Variants in KCNT2 observed in about 807,000 individuals in gnomAD.
KCNT2 encodes the protein potassium channel subfamily T member 2.
In KCNT2, 67 loss-of-function variants were observed where a neutral mutation model predicts 153.8. The ratio of observed to expected loss-of-function variants is 0.44; its 90% confidence interval spans 0.36 to 0.53. The LOEUF (loss-of-function observed/expected upper bound fraction) is 0.53, where lower values mean the gene tolerates loss of function less well. KCNT2 is among the 20% of genes least tolerant of loss of function. KCNT2 has a pLI of 0.00. For missense variants in KCNT2, 975 were observed against 1,354.8 expected, an observed-to-expected ratio of 0.72 and a Z score of 4.40; for synonymous variants, 500 against 458.8, an observed-to-expected ratio of 1.09 and a Z score of -1.15.
intron 1 of KCNT2, among the ~76,000 whole-genome samples, chr1:196,605,072 A>T (rs1665166861): frequency 6.6e-6 from 1 of 152,186 alleles, no homozygotes; most frequent in Admixed American, 6.5e-5. Context: ...TGTGCCAGTC[A>T]ACTATGACCT....
intron 1 of KCNT2, among the ~76,000 whole-genome samples, chr1:196,551,095 G>A (rs1295042900): frequency 1.3e-5 from 2 of 151,802 alleles, no homozygotes; most frequent in Non-Finnish European, 2.9e-5. Flanking sequence ...TCCAGGAGAT[G>A]AGTGAAGCTC....
intron 7 of KCNT2, among the ~76,000 whole-genome samples, chr1:196,466,045 T>C (rs1314345880): frequency 2.0e-5 from 3 of 152,016 alleles, no homozygotes; most frequent in South Asian, 4.1e-4. Context: ...GGCAGAGGTA[T>C]TAATGAACAG....
chr1:196,492,892 A>T (rs1679963381), intron 1 of KCNT2, among the ~76,000 whole-genome samples: 1 of 152,158 alleles, frequency 6.6e-6, no homozygotes, highest in Non-Finnish European at 1.5e-5. Context: ...CTTCCTACTT[A>T]TGGATCAACC....
intron 16 of KCNT2, among the ~76,000 whole-genome samples, chr1:196,337,311 A>C (rs1020396812): frequency 2.0e-5 from 3 of 152,194 alleles, no homozygotes; most frequent in Admixed American, 6.6e-5. Context: ...TTATCCTCAA[A>C]GTACATGCAG....
chr1:196,507,321 A>G (rs1681228226), intron 1 of KCNT2, among the ~76,000 whole-genome samples: 2 of 152,194 alleles, frequency 1.3e-5, no homozygotes, highest in South Asian at 4.1e-4. Context: ...AGATGAAGGC[A>G]ATTACGAGGT....
At chr1:196,390,701 AT>A (rs141241538) in intron 13 of KCNT2, among the ~76,000 whole-genome samples, 40,785 of 151,004 alleles carry the variant, frequency 0.27, 5,889 homozygotes, top group East Asian at 0.33. Flanking sequence ...CTCCAAAAAA[AT>A]CTTAGTAAAA....
rs1653632482 is a variant in KCNT2 at position 196,228,158 on chromosome 1, G to A, written c.*66C>T. Reference sequence around the variant, plus strand: ...TATATTTCCATCTAGTTTCTTTCGTGCCAGCAAAACTTTTGTGGTTTCAAG... The same window carrying A: ...TATATTTCCATCTAGTTTCTTTCGTACCAGCAAAACTTTTGTGGTTTCAAG... On this transcript the variant is annotated 3_prime_UTR_variant, in exon 28 of 28. Coordinates refer to ENST00000294725, the MANE Select transcript of KCNT2 (RefSeq NM_198503.5). 4 of 838,440 alleles carry A rather than the reference G, an allele frequency of 4.8e-6. No homozygotes were observed. The highest frequency in any genetic ancestry group is 8.0e-6 in the Non-Finnish European group (4 of 500,814). 51.9% of individuals were successfully genotyped at this position (838,440 alleles called of 1,614,324 possible).
intron 1 of KCNT2, among the ~76,000 whole-genome samples, chr1:196,514,254 T>C (rs1681874270): frequency 6.6e-6 from 1 of 151,820 alleles, no homozygotes; most frequent in South Asian, 2.1e-4. Flanking sequence ...TATATAAAAG[T>C]TTGCTGTTTC....
chr1:196,531,229 T>A (rs4658036), intron 1 of KCNT2, among the ~76,000 whole-genome samples: 1 of 152,002 alleles, frequency 6.6e-6, no homozygotes, highest in Non-Finnish European at 1.5e-5. Context: ...CATGTCTTCT[T>A]GCCTCATCAG....
Position 196,494,099 on chromosome 1 carries a change from C to T in KCNT2, c.96-1758G>A, listed in dbSNP as rs1262393969. On this transcript the variant is annotated intron_variant, in intron 1 of 27. Transcript: ENST00000294725. The stretch of plus-strand genomic sequence containing the variant: ...TACATACTACAAAAGTCCATGCACA[C>T]ACATACAGAAACAAAACTTCATCGG... 2.0e-5 allele frequency among the ~76,000 whole-genome samples: 3 copies of T among 152,268 alleles called. No individual in the cohort carries two copies. In the East Asian group the frequency reaches 5.8e-4, roughly 29 times the overall value.
At chr1:196,232,739 A>T (rs1571732683) in intron 27 of KCNT2, among the ~76,000 whole-genome samples, 1 of 151,558 alleles carries the variant, frequency 6.6e-6, no homozygotes, top group Non-Finnish European at 1.5e-5. Flanking sequence ...AAGTAAAAAG[A>T]TTAAACATCA....
chr1:196,594,547 T>C (rs969493222), intron 1 of KCNT2, among the ~76,000 whole-genome samples: 1 of 152,084 alleles, frequency 6.6e-6, no homozygotes, highest in Non-Finnish European at 1.5e-5. Flanking sequence ...CGTTAAATAA[T>C]GTAGGAGGAT....
At chr1:196,349,059 G>C (rs1336064387) in intron 14 of KCNT2, among the ~76,000 whole-genome samples, 1 of 152,044 alleles carries the variant, frequency 6.6e-6, no homozygotes, top group Non-Finnish European at 1.5e-5. Context: ...GAGAGCCTTA[G>C]AAAATTTTTG....
chr1:196,249,089 A>G (rs567881736), intron 26 of KCNT2, among the ~76,000 whole-genome samples: 2 of 152,196 alleles, frequency 1.3e-5, no homozygotes, highest in East Asian at 3.9e-4. Flanking sequence ...TGGATTTGGA[A>G]AAATTCAAAA....
chr1:196,281,538 T>G (rs540891635), intron 24 of KCNT2, among the ~76,000 whole-genome samples: 1 of 152,222 alleles, frequency 6.6e-6, no homozygotes, highest in South Asian at 2.1e-4. Flanking sequence ...AGATGAATAG[T>G]AGAATAAGCA....
chr1:196,418,265 C>T (rs900638932), intron 12 of KCNT2, among the ~76,000 whole-genome samples: 4 of 151,930 alleles, frequency 2.6e-5, no homozygotes, highest in South Asian at 2.1e-4. Context: ...CACCTGTGGT[C>T]GGAAGTTCAA....
chr1:196,517,390 C>T (rs1054741757), intron 1 of KCNT2, among the ~76,000 whole-genome samples: 1 of 152,184 alleles, frequency 6.6e-6, no homozygotes. Flanking sequence ...AACAGCTGCA[C>T]TAGTCTCTGA....
At chr1:196,442,593 C>A (rs1675336673) in intron 8 of KCNT2, among the ~76,000 whole-genome samples, 1 of 151,502 alleles carries the variant, frequency 6.6e-6, no homozygotes, top group Non-Finnish European at 1.5e-5. Flanking sequence ...AAGAGTCATG[C>A]TTAAAATAAA....
At chr1:196,351,024 C>T (rs896938661) in intron 14 of KCNT2, among the ~76,000 whole-genome samples, 10 of 152,032 alleles carry the variant, frequency 6.6e-5, no homozygotes, top group Admixed American at 1.3e-4. Flanking sequence ...AGATATGTGG[C>T]GTTATTTCTG....
Sources: gnomAD v4.1 joint callset for allele counts (sites outside exome capture counted in the v4.1 genomes callset) on GRCh38, gnomAD v4.1.1 for gene constraint, MANE v1.5 for transcripts, NCBI Gene and HGNC (gene_info 2026-07-23, HGNC 2026-07-21) for gene names.